THAP4: variants seen among roughly 807,000 people sequenced by gnomAD.
THAP4 encodes THAP domain containing 4.
A neutral mutation model predicts 48.1 loss-of-function variants in THAP4; 18 were observed. That is an observed-to-expected ratio of 0.37 (90% confidence interval 0.26 to 0.56). THAP4 has a LOEUF of 0.56. Ranked by LOEUF, THAP4 falls within the 20% of genes least tolerant of loss-of-function variation. The probability of loss-of-function intolerance (pLI) is 0.78; values close to 1 mark genes in which losing one functional copy is unlikely to be tolerated. For synonymous variants in THAP4, 345 were observed against 324.9 expected (o/e 1.06, Z -0.66); for missense variants, 656 against 774.9 (o/e 0.85, Z 1.82).
At chr2:241,604,295 G>A (rs760199721) in intron 3 of THAP4, among the ~76,000 whole-genome samples, 24 of 151,688 alleles carry the variant, frequency 1.6e-4, no homozygotes, top group African/African-American at 5.6e-4. Context: ...TTGTTGCCCA[G>A]GCTGGAGTGC....
At position 241,601,848 on chromosome 2, in the gene THAP4, C is replaced by T. The variant is rs778735125; in HGVS notation, c.1614+48G>A. 2.0e-5 allele frequency: 32 copies of T among 1,609,054 alleles called. No homozygotes were observed. Among genetic ancestry groups the T allele is most frequent in the East Asian group, 4.5e-5 (2 of 44,774 alleles). ...AGAGGAAGAGGCTGACTCCACAGAC[C>T]GCTGCAAACAGAAGACAGGAGCGTG... On this transcript the variant is annotated intron_variant, in intron 5 of 5. Transcript: ENST00000407315. The surrounding 1 kb of genome is among the most constrained non-coding windows in gnomAD (Gnocchi z 4.0).
chr2:241,601,343 G>A lies in THAP4; in HGVS notation c.1614+553C>T, dbSNP rs932921243. Among the ~76,000 whole-genome samples the A allele has an allele frequency of 1.3e-5, 2 of 152,078 alleles. No individual in the cohort carries two copies. The highest frequency in any genetic ancestry group is 2.9e-5 in the Non-Finnish European group (2 of 68,010). Reference sequence around the variant, plus strand: ...ATATCAAGTGCACAGAATAAGAAGCGTAAACAGCCAGTGAGCATGGGGAAT... The same window carrying A: ...ATATCAAGTGCACAGAATAAGAAGCATAAACAGCCAGTGAGCATGGGGAAT... On this transcript the variant is annotated intron_variant, in intron 5 of 5. Coordinates refer to ENST00000407315, the MANE Select transcript of THAP4 (RefSeq NM_015963.6). The surrounding 1 kb of genome is among the most constrained non-coding windows in gnomAD (Gnocchi z 4.0).
chr2:241,595,962 C>T (rs113424729), intron 5 of THAP4, among the ~76,000 whole-genome samples: 1,710 of 152,290 alleles, frequency 0.011, 31 homozygotes, highest in African/African-American at 0.039. Flanking sequence ...GGCAATGGAG[C>T]GCGTCCCGTG....
At chr2:241,634,803 CAG>C (rs1326631771) in intron 1 of THAP4, among the ~76,000 whole-genome samples, 1 of 152,214 alleles carries the variant, frequency 6.6e-6, no homozygotes, top group Non-Finnish European at 1.5e-5. Flanking sequence ...TCCTGGGGAA[CAG>C]AGTGAAACCC....
At position 241,634,010 on chromosome 2, in the gene THAP4, G is replaced by A. The variant is rs2067606008; in HGVS notation, c.147C>T (p.Pro49=). ...CACTACAGAGAAATGAATACTTAGT[G>A]GGAGTCCAGTTATCCCTCTGAACAG... ...LKAVQRDNWT[P]TKYSFLCSEH... Residue 49 remains proline (P), a synonymous_variant, in exon 2 of 6, where the codon CCC becomes CCT. Coordinates refer to ENST00000407315, the MANE Select transcript of THAP4 (RefSeq NM_015963.6). 1 of 1,614,050 alleles carries A rather than the reference G, an allele frequency of 6.2e-7. No homozygotes were observed. The highest frequency in any genetic ancestry group is 8.5e-7 in the Non-Finnish European group (1 of 1,179,988).
intron 2 of THAP4, among the ~76,000 whole-genome samples, chr2:241,608,200 G>A (rs962161776): frequency 2.0e-5 from 3 of 152,170 alleles, no homozygotes; most frequent in Non-Finnish European, 4.4e-5. Context: ...AAGGAGGGCC[G>A]CACATGTGGC....
At chr2:241,593,597 C>T (rs529263317) in intron 5 of THAP4, among the ~76,000 whole-genome samples, 2 of 152,328 alleles carry the variant, frequency 1.3e-5, no homozygotes, top group African/African-American at 4.8e-5. Flanking sequence ...AGCTCCGTGG[C>T]GTGGCCTGAG....
intron 2 of THAP4, among the ~76,000 whole-genome samples, chr2:241,631,121 C>A (rs137931768): frequency 6.6e-6 from 1 of 152,184 alleles, no homozygotes; most frequent in Admixed American, 6.5e-5. Context: ...ATCCGAAAAT[C>A]TAGATTTGAT....
chr2:241,606,964 A>C lies in THAP4; in HGVS notation c.1241-491T>G, dbSNP rs549595178. Among the ~76,000 whole-genome samples, 9 of 152,056 alleles carry C rather than the reference A, an allele frequency of 5.9e-5. 1 individual carries two copies. The South Asian group carries it at 1.9e-3, about 32-fold the overall frequency. ...GTGCCCTGGCGTGAAGAGTGTGTGA[A>C]GGAGACAAAGAGCATCAGGGAGAAA... On this transcript the variant is annotated intron_variant, in intron 2 of 5. Coordinates refer to ENST00000407315, the MANE Select transcript of THAP4 (RefSeq NM_015963.6).
intron 2 of THAP4, among the ~76,000 whole-genome samples, chr2:241,619,735 G>GA (rs2067389616): frequency 7.2e-6 from 1 of 139,084 alleles, no homozygotes; most frequent in African/African-American, 2.7e-5. Flanking sequence ...TCGGTGAGGG[G>GA]TGAGTGAGGG....
At chr2:241,588,075 GAAAC>G (rs560548287) in intron 5 of THAP4, among the ~76,000 whole-genome samples, 143 of 151,814 alleles carry the variant, frequency 9.4e-4, no homozygotes, top group Middle Eastern at 3.4e-3. Context: ...GAAAAATAAA[GAAAC>G]AAACTACAGA....
At chr2:241,595,581 G>A (rs757464123) in intron 5 of THAP4, among the ~76,000 whole-genome samples, 4 of 151,786 alleles carry the variant, frequency 2.6e-5, no homozygotes, top group Non-Finnish European at 5.9e-5. Flanking sequence ...AGGTTGCGAT[G>A]AGCTGAGATG....
intron 1 of THAP4, among the ~76,000 whole-genome samples, chr2:241,634,894 A>C (rs7595071): frequency 0.37 from 55,939 of 152,106 alleles, 10,550 homozygotes; most frequent in East Asian, 0.44. Flanking sequence ...GGGCAGGTGC[A>C]AAAAAACAAA....
intron 5 of THAP4, among the ~76,000 whole-genome samples, chr2:241,592,569 C>T (rs551361990): frequency 4.3e-4 from 66 of 152,308 alleles, no homozygotes; most frequent in African/African-American, 1.5e-3. Flanking sequence ...GCAGTCTGGG[C>T]CATGCCCACC....
At chr2:241,585,463 C>A (rs573795194) in intron 5 of THAP4, among the ~76,000 whole-genome samples, 52 of 152,266 alleles carry the variant, frequency 3.4e-4, no homozygotes, top group Middle Eastern at 3.4e-3. Flanking sequence ...GCTGACTACT[C>A]TGTAACTGAC....
At chr2:241,600,728 A>C (rs2067101949) in intron 5 of THAP4, among the ~76,000 whole-genome samples, 1 of 61,892 alleles carries the variant, frequency 1.6e-5, no homozygotes, top group South Asian at 8.3e-4. Context: ...ACTCCGTCTC[A>C]AAAAAAAAAA....
Position 241,616,629 on chromosome 2 carries a change from A to G in THAP4, c.1241-10156T>C, listed in dbSNP as rs750284153. On this transcript the variant is annotated intron_variant, in intron 2 of 5. Coordinates refer to ENST00000407315, the MANE Select transcript of THAP4 (RefSeq NM_015963.6). This position sits in a 1 kb window ranked among gnomAD's most constrained non-coding sequence, Gnocchi z 4.6. ...CACACTTGGGGACAGGACAGGACGC[A>G]GCACTTATGTGGCAATTTCTTTTTA... Among the ~76,000 whole-genome samples the G allele has an allele frequency of 1.3e-5, 2 of 152,222 alleles. No homozygotes were observed. The highest frequency in any genetic ancestry group is 2.9e-5 in the Non-Finnish European group (2 of 68,036).
In THAP4 at chr2:241,610,528, C is replaced by T. The variant is rs887284204; in HGVS notation, c.1241-4055G>A. On this transcript the variant is annotated intron_variant, in intron 2 of 5. Coordinates refer to ENST00000407315, the MANE Select transcript of THAP4 (RefSeq NM_015963.6). This position sits in a 1 kb window ranked among gnomAD's most constrained non-coding sequence, Gnocchi z 4.2. ...CCAGCAAGAGCAGAGGCGGGAGCCT[C>T]GCCAGCCCCTCCACAGACCACAGCG... 6.6e-6 allele frequency among the ~76,000 whole-genome samples: 1 copy of T among 152,176 alleles called. No homozygotes were observed. Among genetic ancestry groups the T allele is most frequent in the African/African-American group, 2.4e-5 (1 of 41,446 alleles).
intron 2 of THAP4, among the ~76,000 whole-genome samples, chr2:241,628,772 C>CA (rs1438268359): frequency 1.4e-5 from 2 of 142,134 alleles, no homozygotes; most frequent in African/African-American, 5.2e-5. Context: ...AACAAAAAAA[C>CA]AAAAAAACAC....
Sources: allele counts gnomAD v4.1 joint callset (sites outside exome capture counted in the v4.1 genomes callset), GRCh38; gene constraint gnomAD v4.1.1; non-coding constraint Gnocchi (gnomAD v3.1); transcripts MANE v1.5; gene names NCBI Gene and HGNC (gene_info 2026-07-23, HGNC 2026-07-21).